LASP1: variants seen among roughly 807,000 people sequenced by gnomAD.
LASP1 encodes LIM and SH3 protein 1, also known as LIM and SH3 domain protein 1.
LASP1 carries 10 observed loss-of-function variants against 38.6 expected under a neutral mutation model. The observed-to-expected ratio is 0.26, with a 90% confidence interval of 0.16 to 0.44. LASP1 has a LOEUF of 0.44. Among genes scored for constraint, LASP1 ranks in the 20% least tolerant of loss-of-function variants. The probability of loss-of-function intolerance (pLI) is 1.00; values close to 1 mark genes in which losing one functional copy is unlikely to be tolerated. For missense variants in LASP1, 243 were observed against 375.7 expected (o/e 0.65, Z 2.92); for synonymous variants, 132 against 140.8 (o/e 0.94, Z 0.44).
chr17:38,880,486 C>T (rs1445144146), intron 2 of LASP1, among the ~76,000 whole-genome samples: 2 of 152,254 alleles, frequency 1.3e-5, no homozygotes, highest in Non-Finnish European at 2.9e-5. Context: ...CTCCTGGCCT[C>T]CAGCCAAAAG....
intron 1 of LASP1, among the ~76,000 whole-genome samples, chr17:38,873,233 C>T (rs978696254): frequency 3.3e-5 from 5 of 152,108 alleles, no homozygotes; most frequent in South Asian, 2.1e-4. Context: ...CGCTCCCTCC[C>T]CACTCGAGGG....
intron 1 of LASP1, among the ~76,000 whole-genome samples, chr17:38,875,358 G>T (rs1265836473): frequency 2.6e-5 from 4 of 151,702 alleles, no homozygotes; most frequent in Admixed American, 6.6e-5. Context: ...GTGTGTTGGG[G>T]TATGCACCAC....
chr17:38,919,490 C>T lies in LASP1; in HGVS notation c.*712C>T, dbSNP rs934314264. On this transcript the variant is annotated 3_prime_UTR_variant, in exon 7 of 7. Transcript: ENST00000318008. ...AGCACAGCTTGGGTCAGGTTCTTGC[C>T]TTTCTTAATTTTAGGGACAGCTACC... The T allele has an allele frequency of 2.9e-5, 7 of 244,164 alleles. No homozygotes were observed. Among genetic ancestry groups the T allele is most frequent in the African/African-American group, 1.3e-4 (6 of 45,590 alleles). 15.1% of individuals were successfully genotyped at this position (244,164 alleles called of 1,614,324 possible).
rs573588199 is a variant in LASP1 at position 38,890,618 on chromosome 17, TG to T, written c.249+115del. 47 of 918,628 alleles carry T rather than the reference TG, an allele frequency of 5.1e-5. No homozygotes were observed. The African/African-American group carries it at 6.2e-4, about 12-fold the overall frequency. 56.9% of individuals were successfully genotyped at this position (918,628 alleles called of 1,614,324 possible). ...CTGCGGTTACTCTGCAAGGCCAAGG[TG>T]CTGAAATCCTAGCATTGCCTTTAAT... On this transcript the variant is annotated intron_variant, in intron 3 of 6. Transcript: ENST00000318008.
chr17:38,918,574 G>C lies in LASP1; in HGVS notation c.613-31G>C, dbSNP rs1359842510. The C allele has an allele frequency of 1.9e-6, 3 of 1,541,872 alleles. No individual in the cohort carries two copies. In the African/African-American group the frequency reaches 4.1e-5, roughly 21 times the overall value. On this transcript the variant is annotated intron_variant, in intron 6 of 6. Transcript: ENST00000318008. This position sits in a 1 kb window ranked among gnomAD's most constrained non-coding sequence, Gnocchi z 4.4. ...TCAGACCCAGGTGAGCCGGCATGCA[G>C]GGCCCTAGGCTGACCACACTTCCCC...
chr17:38,890,388 G>A, intron 2 of LASP1, 32 bp from the exon 3 acceptor site: 6 of 1,603,586 alleles, frequency 3.7e-6, no homozygotes, highest in Non-Finnish European at 5.1e-6. Context: ...CTCCCCCAGA[G>A]TCACCCCCAC....
intron 4 of LASP1, among the ~76,000 whole-genome samples, chr17:38,913,639 G>A (rs1915019992): frequency 1.3e-5 from 2 of 152,088 alleles, no homozygotes; most frequent in Non-Finnish European, 2.9e-5. Context: ...TCAGGAAACG[G>A]GCTGCTGCTG....
At chr17:38,902,307 C>T (rs1245083697) in intron 4 of LASP1, among the ~76,000 whole-genome samples, 6 of 151,556 alleles carry the variant, frequency 4.0e-5, no homozygotes, top group South Asian at 2.1e-4. Context: ...GTTATCCTCC[C>T]GCCTCAGCCT....
chr17:38,904,207 G>C (rs1914718033), intron 4 of LASP1, among the ~76,000 whole-genome samples: 2 of 152,166 alleles, frequency 1.3e-5, no homozygotes, highest in African/African-American at 4.8e-5. Flanking sequence ...CATGTAGTAA[G>C]TACTTATCAT....
chr17:38,873,151 A>G (rs759922914), intron 1 of LASP1, among the ~76,000 whole-genome samples: 11 of 152,116 alleles, frequency 7.2e-5, no homozygotes, highest in Non-Finnish European at 1.2e-4. Flanking sequence ...AGGTGGAGGT[A>G]GAGGATTGGT....
At chr17:38,917,528 G>A (rs1457987224) in intron 6 of LASP1, among the ~76,000 whole-genome samples, 3 of 152,058 alleles carry the variant, frequency 2.0e-5, no homozygotes, top group African/African-American at 7.2e-5. Context: ...GGCTTGGAAG[G>A]TGGAACCTGA....
At chr17:38,875,892 C>A (rs925179366) in intron 1 of LASP1, among the ~76,000 whole-genome samples, 4 of 152,172 alleles carry the variant, frequency 2.6e-5, no homozygotes, top group Admixed American at 6.5e-5. Flanking sequence ...CTTCAAAAGT[C>A]CCCCTGGGCC....
intron 4 of LASP1, among the ~76,000 whole-genome samples, chr17:38,905,510 G>A (rs1051519836): frequency 4.5e-5 from 6 of 133,792 alleles, no homozygotes; most frequent in African/African-American, 1.1e-4. Context: ...CAGCCTGGGC[G>A]ACAGAGTGAG....
chr17:38,909,834 G>A (rs1305717396), intron 4 of LASP1, among the ~76,000 whole-genome samples: 1 of 152,022 alleles, frequency 6.6e-6, no homozygotes, highest in Non-Finnish European at 1.5e-5. Flanking sequence ...TGCAATCTCC[G>A]TCTCCTGGGT....
chr17:38,886,810 A>G (rs1053781242), intron 2 of LASP1, among the ~76,000 whole-genome samples: 1 of 152,056 alleles, frequency 6.6e-6, no homozygotes, highest in Admixed American at 6.5e-5. Context: ...GGCACAGTGC[A>G]GTGTGTGTAG....
chr17:38,877,925 GACCTGAAATGCCCCCAGCTC>G (rs1913828613), intron 1 of LASP1, among the ~76,000 whole-genome samples, 141 bp from the exon 2 acceptor site: 1 of 152,276 alleles, frequency 6.6e-6, no homozygotes. Flanking sequence ...CAAAGCCTGT[GACCTGAAATGCCCCCAGCTC>G]ACCTGGGATG....
intron 4 of LASP1, among the ~76,000 whole-genome samples, chr17:38,914,058 A>G (rs1046967463): frequency 2.0e-5 from 3 of 151,656 alleles, no homozygotes; most frequent in South Asian, 2.1e-4. Flanking sequence ...TTCAGTTCTC[A>G]TGGTCCTTTT....
In LASP1 at chr17:38,918,727, G is replaced by A. The variant is rs764151037; in HGVS notation, c.735G>A (p.Glu245=). Residue 245 remains glutamate, a synonymous_variant, in exon 7 of 7, where the codon GAG becomes GAA. Transcript: ENST00000318008. This position sits in a 1 kb window ranked among gnomAD's most constrained non-coding sequence, Gnocchi z 4.4. The part of the protein sequence containing the change: ...IDDGWMYGTV[E]RTGDTGMLPA... ...ACGGCTGGATGTACGGGACGGTGGA[G>A]CGCACCGGCGACACGGGGATGCTGC... The A allele has an allele frequency of 1.2e-6, 2 of 1,614,016 alleles. No homozygotes were observed. Among genetic ancestry groups the A allele is most frequent in the Non-Finnish European group, 1.7e-6 (2 of 1,180,014 alleles).
At chr17:38,908,721 C>T (rs1914841482) in intron 4 of LASP1, among the ~76,000 whole-genome samples, 1 of 152,266 alleles carries the variant, frequency 6.6e-6, no homozygotes, top group Non-Finnish European at 1.5e-5. Flanking sequence ...TACCACTGCC[C>T]TCCCTGTGCC....
Sources: gnomAD v4.1 joint callset for allele counts (sites outside exome capture counted in the v4.1 genomes callset) on GRCh38, gnomAD v4.1.1 for gene constraint, Gnocchi (gnomAD v3.1) non-coding constraint, MANE v1.5 for transcripts, NCBI Gene and HGNC (gene_info 2026-07-23, HGNC 2026-07-21) for gene names.